The following ICA1L variants were observed in gnomAD, a reference collection of about 807,000 sequenced individuals.
ICA1L encodes the protein islet cell autoantigen 1-like protein.
In ICA1L, 50 loss-of-function variants were observed where a neutral mutation model predicts 61.3. That is an observed-to-expected ratio of 0.82 (90% CI 0.65 to 1.03). The LOEUF is 1.03. Ranked by LOEUF, ICA1L falls within the 50% of genes least tolerant of loss-of-function variation. ICA1L has a pLI of 0.00. For missense variants in ICA1L, 508 were observed against 556.7 expected (o/e 0.91, Z 0.88); for synonymous variants, 161 against 191.3 (o/e 0.84, Z 1.31).
At chr2:202,780,789 TC>T (rs1692378246) in intron 12 of ICA1L, among the ~76,000 whole-genome samples, 2 of 152,150 alleles carry the variant, frequency 1.3e-5, no homozygotes, top group Non-Finnish European at 2.9e-5. Context: ...TGAAGTAGTA[TC>T]AGTGATAACC....
chr2:202,782,482 A>AC (rs1466547135), intron 12 of ICA1L, among the ~76,000 whole-genome samples: 4 of 150,752 alleles, frequency 2.7e-5, no homozygotes, highest in Non-Finnish European at 5.9e-5. Flanking sequence ...ATCTCAGCTC[A>AC]CTGCAACCTC....
chr2:202,824,654 T>A (rs1693785361), intron 3 of ICA1L, among the ~76,000 whole-genome samples: 1 of 152,140 alleles, frequency 6.6e-6, no homozygotes, highest in Non-Finnish European at 1.5e-5. Context: ...GATTCCACTA[T>A]GCAGATATGC....
chr2:202,815,051 A>C (rs549037606), intron 7 of ICA1L, among the ~76,000 whole-genome samples: 15 of 152,348 alleles, frequency 9.8e-5, no homozygotes, highest in African/African-American at 3.6e-4. Flanking sequence ...AATAGGCCTA[A>C]AGAAGACTTA....
intron 12 of ICA1L, among the ~76,000 whole-genome samples, chr2:202,783,733 G>C (rs1233536024): frequency 1.3e-5 from 2 of 152,174 alleles, no homozygotes; most frequent in Non-Finnish European, 2.9e-5. Flanking sequence ...ATCTACAGTA[G>C]ATAATGGTCC....
chr2:202,826,899 AC>A (rs1452237315), intron 2 of ICA1L, among the ~76,000 whole-genome samples: 1 of 152,158 alleles, frequency 6.6e-6, no homozygotes, highest in African/African-American at 2.4e-5. Flanking sequence ...AGAAGCCTGA[AC>A]ATTCTATCTG....
chr2:202,788,938 G>C lies in ICA1L; in HGVS notation c.1135C>G (p.Leu379Val). 1 of 1,614,196 alleles carries C rather than the reference G, an allele frequency of 6.2e-7. No individual in the cohort carries two copies. Among genetic ancestry groups the C allele is most frequent in the Non-Finnish European group, 8.5e-7 (1 of 1,180,030 alleles). ...CCCATGGAAGGCTCCTGGGATGTGA[G>C]ACTGGCACTGGGGCTCCCAAAGGCA... ...QTAFGSPSAS[L>V]TSQEPSMGSE... The change falls in exon 11 of 13, where the codon CTC becomes GTC. Residue 379 changes from leucine (L) to valine (V), a missense_variant. Leu to Val is a conservative substitution (Grantham distance 32). Transcript: ENST00000358299.
At chr2:202,870,490 A>C (rs1490041293) in intron 1 of ICA1L, 2 of 152,222 alleles carry the variant, frequency 1.3e-5, no homozygotes, top group Non-Finnish European at 2.9e-5. Context: ...ACAAATACTA[A>C]ACGATTTAAA....
At chr2:202,841,732 C>A in intron 1 of ICA1L, 1 of 500,906 alleles carries the variant, frequency 2.0e-6, no homozygotes, top group African/African-American at 1.9e-5. Context: ...GGCCAGAGGA[C>A]CACCTCTGGT....
At chr2:202,862,909 T>G (rs972972404) in intron 1 of ICA1L, among the ~76,000 whole-genome samples, 15 of 152,010 alleles carry the variant, frequency 9.9e-5, no homozygotes, top group African/African-American at 3.4e-4. Context: ...TAAAATATTC[T>G]AAACTGAATG....
intron 1 of ICA1L, among the ~76,000 whole-genome samples, chr2:202,846,362 C>A (rs1694464076): frequency 6.6e-6 from 1 of 151,904 alleles, no homozygotes; most frequent in Non-Finnish European, 1.5e-5. Flanking sequence ...CATGCCATCA[C>A]ACTTGGCTAA....
At chr2:202,850,127 C>T (rs1694578667) in intron 1 of ICA1L, among the ~76,000 whole-genome samples, 1 of 152,082 alleles carries the variant, frequency 6.6e-6, no homozygotes, top group African/African-American at 2.4e-5. Context: ...CATACAAAAA[C>T]CCCATCCAAA....
chr2:202,862,434 G>A (rs1459930132), intron 1 of ICA1L, among the ~76,000 whole-genome samples: 1 of 151,992 alleles, frequency 6.6e-6, no homozygotes, highest in East Asian at 1.9e-4. Context: ...CTCCAGGCTG[G>A]GTGACAGAGC....
intron 1 of ICA1L, among the ~76,000 whole-genome samples, chr2:202,852,671 CAAAAAAAA>C (rs574400027): frequency 2.4e-5 from 1 of 42,192 alleles, no homozygotes; most frequent in Non-Finnish European, 4.2e-5. Context: ...GACTCTGTCT[CAAAAAAAA>C]AAAAAAAAAA....
intron 9 of ICA1L, among the ~76,000 whole-genome samples, chr2:202,803,422 A>G (rs996937397): frequency 8.8e-5 from 13 of 146,950 alleles, no homozygotes; most frequent in Non-Finnish European, 1.8e-4. Context: ...AAAAAAAAAA[A>G]AGAGAACATG....
At chr2:202,847,612 G>C (rs1694498634) in intron 1 of ICA1L, among the ~76,000 whole-genome samples, 1 of 148,122 alleles carries the variant, frequency 6.8e-6, no homozygotes, top group Non-Finnish European at 1.5e-5. Flanking sequence ...GCTTGGAATA[G>C]AAATTGCTGG....
intron 1 of ICA1L, among the ~76,000 whole-genome samples, chr2:202,831,515 G>C (rs1454810268): frequency 6.6e-6 from 1 of 152,120 alleles, no homozygotes; most frequent in Non-Finnish European, 1.5e-5. Context: ...TGCAGGTTTA[G>C]GCTCAATTCG....
intron 9 of ICA1L, among the ~76,000 whole-genome samples, chr2:202,809,302 G>T (rs1016053422): frequency 6.6e-6 from 1 of 151,736 alleles, no homozygotes; most frequent in African/African-American, 2.4e-5. Context: ...GCAGAAGAAA[G>T]AATCAGTGAG....
At chr2:202,837,151 T>A (rs1232524445) in intron 1 of ICA1L, among the ~76,000 whole-genome samples, 1 of 150,426 alleles carries the variant, frequency 6.6e-6, no homozygotes, top group Non-Finnish European at 1.5e-5. Context: ...CTGTGTATCA[T>A]TTTTTATAGT....
intron 1 of ICA1L, among the ~76,000 whole-genome samples, chr2:202,851,984 T>A (rs1423224401): frequency 6.6e-6 from 1 of 152,220 alleles, no homozygotes; most frequent in Non-Finnish European, 1.5e-5. Flanking sequence ...GTAGTTTCTT[T>A]TGCTGTGCAG....
Sources: allele counts gnomAD v4.1 joint callset (sites outside exome capture counted in the v4.1 genomes callset), GRCh38; gene constraint gnomAD v4.1.1; transcripts MANE v1.5; gene names NCBI Gene and HGNC (gene_info 2026-07-23, HGNC 2026-07-21).